CLASP2: variants seen among roughly 807,000 people sequenced by gnomAD.
CLASP2 encodes the protein CLIP-associating protein 2.
Under a neutral mutation model 194.4 loss-of-function variants are expected in CLASP2, and 47 were observed. The ratio of observed to expected loss-of-function variants is 0.24; its 90% CI spans 0.19 to 0.31. The LOEUF is 0.31. Ranked by LOEUF, CLASP2 falls within the 10% of genes least tolerant of loss-of-function variation. The pLI is 1.00. For missense variants in CLASP2, 1,445 were observed against 1,823.6 expected (o/e 0.79, Z 3.78); for synonymous variants, 619 against 633.5 (o/e 0.98, Z 0.34).
chr3:33,611,629 G>T (rs1324749375), intron 13 of CLASP2, among the ~76,000 whole-genome samples: 1 of 152,196 alleles, frequency 6.6e-6, no homozygotes. Context: ...GACATTATTA[G>T]CTCTACTAAC....
At chr3:33,502,991 A>G (rs930530353) in intron 37 of CLASP2, 7 of 152,138 alleles carry the variant, frequency 4.6e-5, no homozygotes, top group African/African-American at 1.7e-4. Context: ...TTCCTCCCCA[A>G]TAACCTCCTT....
At chr3:33,710,750 C>CAA (rs1335748250) in intron 1 of CLASP2, among the ~76,000 whole-genome samples, 2 of 152,132 alleles carry the variant, frequency 1.3e-5, no homozygotes, top group Non-Finnish European at 2.9e-5. Flanking sequence ...GCCTGGCCAA[C>CAA]ATGGTGAAAC....
intron 25 of CLASP2, among the ~76,000 whole-genome samples, chr3:33,572,879 CT>C (rs2064069957): frequency 6.7e-6 from 1 of 148,782 alleles, no homozygotes; most frequent in African/African-American, 2.5e-5. Flanking sequence ...AAAAAGTTTC[CT>C]TTCAAAATGT....
At chr3:33,532,697 A>T (rs1214098983) in intron 34 of CLASP2, among the ~76,000 whole-genome samples, 1 of 152,102 alleles carries the variant, frequency 6.6e-6, no homozygotes, top group African/African-American at 2.4e-5. Context: ...TATTTTTTGT[A>T]ATTATTAGTT....
chr3:33,701,468 G>A (rs2092370114), intron 1 of CLASP2, among the ~76,000 whole-genome samples: 1 of 152,152 alleles, frequency 6.6e-6, no homozygotes, highest in Admixed American at 6.5e-5. Flanking sequence ...TGGTGGCACA[G>A]GCATATAATA....
intron 11 of CLASP2, 90 bp downstream of exon 11, chr3:33,622,045 A>G (rs2077201194): frequency 3.1e-6 from 3 of 963,932 alleles, no homozygotes; most frequent in Non-Finnish European, 4.3e-6. Context: ...TTTTTTAGCT[A>G]TCTTGCTACT....
In CLASP2 at chr3:33,510,547, T is replaced by G; in HGVS notation, c.4317+11A>C. ...ATCATGGCTTATTCCTCTCCAAGCT[T>G]TGTTGCTTACCTGTATTAGACCTGG... On this transcript the variant is annotated intron_variant, in intron 37 of 38. Coordinates refer to ENST00000682230, the MANE Select transcript of CLASP2 (RefSeq NM_001365631.1). The G allele has an allele frequency of 1.2e-6, 2 of 1,612,660 alleles. No individual in the cohort carries two copies. The highest frequency in any genetic ancestry group is 4.5e-5 in the East Asian group (2 of 44,880).
intron 34 of CLASP2, among the ~76,000 whole-genome samples, chr3:33,520,543 G>T (rs1274287467): frequency 1.3e-5 from 2 of 152,120 alleles, no homozygotes; most frequent in Admixed American, 6.6e-5. Flanking sequence ...GGAATAAGAA[G>T]GGCATTCATG....
intron 34 of CLASP2, among the ~76,000 whole-genome samples, chr3:33,517,419 C>T (rs779458964): frequency 2.0e-5 from 3 of 152,146 alleles, no homozygotes; most frequent in Admixed American, 6.5e-5. Context: ...CCTTATATTC[C>T]CATCACCCAG....
In CLASP2 at chr3:33,512,992, AAACC is replaced by A. The variant is rs900098451; in HGVS notation, c.4111-2232_4111-2229del. 7.9e-5 allele frequency among the ~76,000 whole-genome samples: 12 copies of A among 152,104 alleles called. No individual in the cohort carries two copies. The East Asian group carries it at 9.6e-4, about 12-fold the overall frequency. ...GGCGACAGAGTGAGACTCCGTCTAA[AAACC>A]AACCAACCAACCAACCAAACAAACA... On this transcript the variant is annotated intron_variant, in intron 36 of 38. Coordinates refer to ENST00000682230, the MANE Select transcript of CLASP2 (RefSeq NM_001365631.1).
At chr3:33,667,430 A>G (rs969560434) in intron 6 of CLASP2, among the ~76,000 whole-genome samples, 1 of 149,542 alleles carries the variant, frequency 6.7e-6, no homozygotes, top group Non-Finnish European at 1.5e-5. Context: ...AAAAAAAAAG[A>G]CATTTGATTT....
rs1423793273 is a variant in CLASP2 at position 33,573,099 on chromosome 3, A to G, written c.2699+11T>C. ...CTGATAGTAAAATCATTTTAAGACA[A>G]CGCATCTCACCTTAGTGTTCTCTGA... is the stretch of plus-strand genomic sequence containing the variant. On this transcript the variant is annotated intron_variant, in intron 25 of 38. Transcript: ENST00000682230. The G allele has an allele frequency of 6.2e-7, 1 of 1,612,964 alleles. No homozygotes were observed. Among genetic ancestry groups the G allele is most frequent in the African/African-American group, 1.3e-5 (1 of 74,948 alleles).
intron 29 of CLASP2, among the ~76,000 whole-genome samples, chr3:33,558,140 C>G (rs1468399360): frequency 6.6e-6 from 1 of 152,198 alleles, no homozygotes; most frequent in African/African-American, 2.4e-5. Flanking sequence ...CTGACTGTTC[C>G]TCTTTCCCCT....
Position 33,538,951 on chromosome 3 carries a change from A to G in CLASP2, c.3405-9T>C. 1.3e-6 allele frequency: 2 copies of G among 1,548,252 alleles called. No homozygotes were observed. The highest frequency in any genetic ancestry group is 4.6e-5 in the East Asian group (2 of 43,796). ...TGTCATAATCAAATGCACTATGAAA[A>G]AGACGACACTAATTTTTACTTAGGT... On this transcript the variant is annotated splice_polypyrimidine_tract_variant and intron_variant, in intron 32 of 38. Transcript: ENST00000682230.
chr3:33,684,276 T>C, intron 6 of CLASP2, 83 bp downstream of exon 6: 1 of 690,780 alleles, frequency 1.4e-6, no homozygotes, highest in South Asian at 2.3e-5. Flanking sequence ...AAATAAAAAA[T>C]ACATTGAAAT....
chr3:33,604,828 A>G (rs189792471), intron 16 of CLASP2, among the ~76,000 whole-genome samples: 4 of 152,310 alleles, frequency 2.6e-5, no homozygotes, highest in East Asian at 1.9e-4. Context: ...AGAGAACTCG[A>G]TAACAGTACT....
At chr3:33,684,081 T>A (rs2090262137) in intron 6 of CLASP2, among the ~76,000 whole-genome samples, 1 of 151,060 alleles carries the variant, frequency 6.6e-6, no homozygotes, top group South Asian at 2.1e-4. Flanking sequence ...CCGTCTCTAC[T>A]AAAAATACAA....
intron 4 of CLASP2, 123 bp from the exon 5 acceptor site, chr3:33,687,258 A>C: frequency 1.7e-6 from 1 of 591,902 alleles, no homozygotes; most frequent in East Asian, 3.0e-5. Context: ...GGCACACATC[A>C]TTAAAACATG....
chr3:33,560,813 A>G lies in CLASP2; in HGVS notation c.2925T>C (p.Val975=). 3 of 1,612,470 alleles carry G rather than the reference A, an allele frequency of 1.9e-6. No homozygotes were observed. The highest frequency in any genetic ancestry group is 1.7e-6 in the Non-Finnish European group (2 of 1,179,254). The change falls in exon 28 of 39, where the codon GTT becomes GTC. Residue 975 remains valine (V), a synonymous_variant. Transcript: ENST00000682230. Reference sequence around the variant, plus strand: ...ATATATGAAAAAAATATTACCTTGTAACATCAAGGGCTTTCTGAACTTTTG... The same window carrying G: ...ATATATGAAAAAAATATTACCTTGTGACATCAAGGGCTTTCTGAACTTTTG... ...VQAKVQKALD[V]TRESFPNDLQ... is the part of the protein sequence containing the mutation.
Sources: allele counts gnomAD v4.1 joint callset (sites outside exome capture counted in the v4.1 genomes callset), GRCh38; gene constraint gnomAD v4.1.1; transcripts MANE v1.5; gene names NCBI Gene and HGNC (gene_info 2026-07-23, HGNC 2026-07-21).